Variants in COL21A1 observed in about 807,000 individuals in gnomAD.
COL21A1 encodes collagen alpha-1(XXI) chain.
In COL21A1, 149 loss-of-function variants were observed where a neutral mutation model predicts 137.9. The observed-to-expected ratio is 1.08, with a 90% CI of 0.95 to 1.24. COL21A1 has a LOEUF of 1.24. Ranked by LOEUF, COL21A1 falls within the 50% of genes most tolerant of loss-of-function variation. The pLI is 0.00. For missense variants in COL21A1, 1,167 were observed against 1,158.4 expected, an observed-to-expected ratio of 1.01 and a Z score of -0.11; for synonymous variants, 456 against 391.5, an observed-to-expected ratio of 1.16 and a Z score of -1.95.
At chr6:56,175,976 T>C (rs1381326568) in intron 3 of COL21A1, among the ~76,000 whole-genome samples, 1 of 152,042 alleles carries the variant, frequency 6.6e-6, no homozygotes, top group Non-Finnish European at 1.5e-5. Flanking sequence ...AAAACACTCT[T>C]GCATGCATCA....
rs183115543 is a variant in COL21A1, at chr6:56,078,829, G to C, written c.1813-1256C>G. ...ATGTGAGCAATGACTATCAACAAGG[G>C]ACTCACAATCTAGTTGCAAAGACAG... On this transcript the variant is annotated intron_variant, in intron 17 of 29. Coordinates refer to ENST00000244728, the MANE Select transcript of COL21A1 (RefSeq NM_030820.4). Among the ~76,000 whole-genome samples the C allele has an allele frequency of 4.5e-3, 678 of 151,576 alleles. 5 individuals carry two copies. The highest frequency in any genetic ancestry group is 0.031 in the Middle Eastern group (9 of 294).
Position 56,097,772 on chromosome 6 carries a change from T to A in COL21A1, c.1812+3700A>T, listed in dbSNP as rs183673408. ...TATTTTTTATATATATATAAATATA[T>A]ATAAATATATAAAAATATATATATA... On this transcript the variant is annotated intron_variant, in intron 17 of 29. Transcript: ENST00000244728. Among the ~76,000 whole-genome samples the A allele has an allele frequency of 2.7e-3, 314 of 118,136 alleles. 17 individuals carry two copies. The East Asian group carries it at 0.04, about 15-fold the overall frequency. 77.5% of individuals were successfully genotyped at this position (118,136 alleles called of 152,430 possible).
chr6:56,379,517 T>A (rs551100229), intron 1 of COL21A1, among the ~76,000 whole-genome samples: 1 of 152,228 alleles, frequency 6.6e-6, no homozygotes, highest in Non-Finnish European at 1.5e-5. Context: ...TAAATATAAA[T>A]AAGATATAGA....
At chr6:56,165,179 G>A (rs974422811) in intron 7 of COL21A1, among the ~76,000 whole-genome samples, 6 of 152,138 alleles carry the variant, frequency 3.9e-5, no homozygotes, top group African/African-American at 1.4e-4. Flanking sequence ...GAAAAAAAAT[G>A]TTGAAACACA....
At chr6:56,198,062 C>T (rs548628439) in intron 1 of COL21A1, among the ~76,000 whole-genome samples, 2 of 152,166 alleles carry the variant, frequency 1.3e-5, no homozygotes, top group African/African-American at 4.8e-5. Flanking sequence ...GAAATCCTCC[C>T]ATTTGCAACA....
At chr6:56,352,718 T>C (rs1765738735) in intron 1 of COL21A1, among the ~76,000 whole-genome samples, 1 of 152,240 alleles carries the variant, frequency 6.6e-6, no homozygotes, top group Non-Finnish European at 1.5e-5. Context: ...GGAGAATTTA[T>C]TTTAGGAAGA....
At chr6:56,387,787 C>T (rs1294705346) in intron 1 of COL21A1, among the ~76,000 whole-genome samples, 5 of 152,184 alleles carry the variant, frequency 3.3e-5, no homozygotes, top group African/African-American at 1.2e-4. Context: ...TGGCTGGCTC[C>T]ACCTTTAGCT....
chr6:56,148,170 A>C (rs1774989474), intron 10 of COL21A1, among the ~76,000 whole-genome samples: 1 of 152,168 alleles, frequency 6.6e-6, no homozygotes, highest in African/African-American at 2.4e-5. Context: ...CCTCTTAGGC[A>C]GCCACATTTC....
At chr6:56,173,575 T>G (rs1385895815) in intron 3 of COL21A1, among the ~76,000 whole-genome samples, 1 of 152,108 alleles carries the variant, frequency 6.6e-6, no homozygotes, top group Non-Finnish European at 1.5e-5. Context: ...TGTCTATACT[T>G]ATATCACACA....
At chr6:56,163,303 T>C (rs16887622) in intron 9 of COL21A1, among the ~76,000 whole-genome samples, 2,230 of 152,344 alleles carry the variant, frequency 0.015, 53 homozygotes, top group African/African-American at 0.051. Context: ...AGGTGATATT[T>C]TAATATAATG....
chr6:56,180,386 A>C (rs1777806282), intron 2 of COL21A1, among the ~76,000 whole-genome samples: 1 of 152,242 alleles, frequency 6.6e-6, no homozygotes, highest in Admixed American at 6.5e-5. Context: ...TGATATATTA[A>C]TAGTTGATAA....
In COL21A1 at chr6:56,203,817, C is replaced by T. The variant is rs555760724; in HGVS notation, c.-38-21161G>A. Among the ~76,000 whole-genome samples, 28 of 152,262 alleles carry T rather than the reference C, an allele frequency of 1.8e-4. No homozygotes were observed. In the South Asian group the frequency reaches 3.5e-3, roughly 19 times the overall value. On this transcript the variant is annotated intron_variant, in intron 1 of 29. Coordinates refer to ENST00000244728, the MANE Select transcript of COL21A1 (RefSeq NM_030820.4). ...GACAGTGGGTGCAGCCCACAGAGGG[C>T]GAGCTGAAGCAGGGTGGGGCATCAC...
At chr6:56,069,213 G>A (rs1456085635) in intron 21 of COL21A1, 96 bp from the exon 22 acceptor site, 5 of 677,410 alleles carry the variant, frequency 7.4e-6, no homozygotes, top group Admixed American at 3.9e-5. Context: ...TAAAATGAAT[G>A]GTTAAAAAAA....
At chr6:56,225,900 G>A (rs911016115) in intron 1 of COL21A1, 1 of 151,908 alleles carries the variant, frequency 6.6e-6, no homozygotes, top group Non-Finnish European at 1.5e-5. Context: ...TTGTTTCCTG[G>A]GTAGGAGATC....
At chr6:56,073,045 A>C (rs2114106175) in intron 20 of COL21A1, among the ~76,000 whole-genome samples, 1 of 151,550 alleles carries the variant, frequency 6.6e-6, no homozygotes, top group East Asian at 2.0e-4. Flanking sequence ...TTTTACGGAA[A>C]GTCCAACAGA....
chr6:56,082,438 C>A (rs1290221904), intron 17 of COL21A1, among the ~76,000 whole-genome samples: 1 of 151,930 alleles, frequency 6.6e-6, no homozygotes, highest in African/African-American at 2.4e-5. Flanking sequence ...CTAAAATGGG[C>A]TCTGATCCTC....
chr6:56,229,110 A>G (rs1781386484), intron 1 of COL21A1, among the ~76,000 whole-genome samples: 1 of 151,892 alleles, frequency 6.6e-6, no homozygotes, highest in South Asian at 2.1e-4. Context: ...GCTGGGTATG[A>G]TGGCTCACAC....
intron 1 of COL21A1, among the ~76,000 whole-genome samples, chr6:56,340,887 A>T (rs1057412905): frequency 6.6e-6 from 1 of 152,204 alleles, no homozygotes; most frequent in Non-Finnish European, 1.5e-5. Context: ...TGTCAGCCCA[A>T]GGTGTCAGCA....
chr6:56,287,937 G>A (rs1763953745), intron 1 of COL21A1, among the ~76,000 whole-genome samples: 1 of 152,098 alleles, frequency 6.6e-6, no homozygotes, highest in African/African-American at 2.4e-5. Context: ...AATGCAGGTA[G>A]CCTCTAGAAA....
Sources: allele counts gnomAD v4.1 joint callset (sites outside exome capture counted in the v4.1 genomes callset), GRCh38; gene constraint gnomAD v4.1.1; transcripts MANE v1.5; gene names NCBI Gene and HGNC (gene_info 2026-07-23, HGNC 2026-07-21).